TRPM8: variants seen among roughly 807,000 people sequenced by gnomAD.
TRPM8 encodes the protein TRPM8 cationic channel.
In TRPM8, 110 loss-of-function variants were observed where a neutral mutation model predicts 133.7. That is an observed-to-expected ratio of 0.82 (90% CI 0.70 to 0.96). The LOEUF (loss-of-function observed/expected upper bound fraction) is 0.96. TRPM8 is among the 40% of genes least tolerant of loss of function. The pLI is 0.00. For synonymous variants in TRPM8, 535 were observed against 532.3 expected, an observed-to-expected ratio of 1.01 and a Z score of -0.07; for missense variants, 1,291 against 1,379.5, an observed-to-expected ratio of 0.94 and a Z score of 1.02.
intron 11 of TRPM8, among the ~76,000 whole-genome samples, chr2:233,955,789 A>AGGAAGTCTGCTC (rs1182285209): frequency 3.3e-5 from 5 of 152,230 alleles, no homozygotes; most frequent in African/African-American, 9.6e-5. Flanking sequence ...TGTTAGGAAC[A>AGGAAGTCTGCTC]ACAGGAAGTG....
chr2:233,958,893 G>C (rs569056694), intron 11 of TRPM8, among the ~76,000 whole-genome samples: 1 of 152,250 alleles, frequency 6.6e-6, no homozygotes, highest in South Asian at 2.1e-4. Context: ...TAAGTGGGCC[G>C]GTGGGTCCCA....
At chr2:233,974,525 C>G (rs1014673120) in intron 17 of TRPM8, among the ~76,000 whole-genome samples, 1 of 152,228 alleles carries the variant, frequency 6.6e-6, no homozygotes, top group African/African-American at 2.4e-5. Flanking sequence ...AGCCACTGCG[C>G]TCGGCCACCA....
rs1456063371 is a variant in TRPM8 at position 234,017,958 on chromosome 2, A to ACTT, written c.*703_*705dup. The ACTT allele has an allele frequency of 6.9e-6, 1 of 144,296 alleles. No homozygotes were observed. The highest frequency in any genetic ancestry group is 2.6e-5 in the African/African-American group (1 of 38,162). The allele number at this position is 144,296 out of a possible 1,614,324, so 8.9% of individuals were successfully genotyped here. A position where few individuals can be genotyped will look rare whatever the true frequency, so the allele number is the denominator to read the frequency against. On this transcript the variant is annotated 3_prime_UTR_variant, in exon 26 of 26. Transcript: ENST00000324695. ...AATGCAACCTTGAAAGGCACTACTG[A>ACTT]CTTTGTTCTTATTGGATACTCCTCT... is the stretch of plus-strand genomic sequence containing the variant.
intron 21 of TRPM8, among the ~76,000 whole-genome samples, chr2:233,994,381 G>T (rs919150616): frequency 6.6e-6 from 1 of 152,202 alleles, no homozygotes; most frequent in Non-Finnish European, 1.5e-5. Flanking sequence ...TCCCAGTCCT[G>T]GCTGTTTTTC....
At chr2:233,964,971 G>A (rs1691530040) in intron 14 of TRPM8, among the ~76,000 whole-genome samples, 1 of 151,736 alleles carries the variant, frequency 6.6e-6, no homozygotes, top group African/African-American at 2.4e-5. Context: ...GAAATCTTGG[G>A]CTCTCTGATC....
At chr2:233,953,674 C>A in intron 9 of TRPM8, 1 of 363,526 alleles carries the variant, frequency 2.8e-6, no homozygotes, top group Non-Finnish European at 5.1e-6. Context: ...CACCTGCACG[C>A]AGATGCACAC....
intron 2 of TRPM8, 149 bp from the exon 3 acceptor site, chr2:233,930,519 T>C (rs1196333565): frequency 1.8e-6 from 1 of 544,562 alleles, no homozygotes; most frequent in African/African-American, 1.9e-5. Context: ...TTGTATACTC[T>C]AAAGGCATGA....
At chr2:233,937,626 C>A in intron 4 of TRPM8, 117 bp downstream of exon 4, 6 of 1,171,010 alleles carry the variant, frequency 5.1e-6, no homozygotes, top group East Asian at 2.4e-5. Context: ...TAGTAAACAC[C>A]AAAAACGATT....
intron 3 of TRPM8, among the ~76,000 whole-genome samples, chr2:233,932,948 T>C (rs1228419530): frequency 6.7e-6 from 1 of 148,934 alleles, no homozygotes; most frequent in East Asian, 2.0e-4. Flanking sequence ...CCCCTGAGAG[T>C]TCTCAGGGTT....
At position 233,993,242 on chromosome 2, in the gene TRPM8, T is replaced by C. The variant is rs572210377; in HGVS notation, c.2940-3084T>C. ...TATTTGTCTGGGAAAGCATTGCTGC[T>C]CACTGGATCCACCTTTGCCCTTGAG... On this transcript the variant is annotated intron_variant, in intron 21 of 25. Coordinates refer to ENST00000324695, the MANE Select transcript of TRPM8 (RefSeq NM_024080.5). Among the ~76,000 whole-genome samples the C allele has an allele frequency of 2.6e-5, 4 of 152,356 alleles. No homozygotes were observed. The South Asian group carries it at 8.3e-4, about 32-fold the overall frequency.
At chr2:233,920,057 GA>G (rs1267410250) in intron 1 of TRPM8, among the ~76,000 whole-genome samples, 2 of 152,192 alleles carry the variant, frequency 1.3e-5, no homozygotes, top group Admixed American at 6.5e-5. Flanking sequence ...TAGAGATGCA[GA>G]ATCTGGGGCT....
intron 2 of TRPM8, among the ~76,000 whole-genome samples, chr2:233,930,387 G>A (rs557137830): frequency 5.0e-4 from 76 of 152,180 alleles, no homozygotes; most frequent in African/African-American, 1.8e-3. Flanking sequence ...AGCCTTAGAG[G>A]TGGAAAAACA....
chr2:233,989,696 C>A lies in TRPM8; in HGVS notation c.2939+3831C>A, dbSNP rs1307530370. On this transcript the variant is annotated intron_variant, in intron 21 of 25. Coordinates refer to ENST00000324695, the MANE Select transcript of TRPM8 (RefSeq NM_024080.5). The surrounding 1 kb of genome is among the most constrained non-coding windows in gnomAD (Gnocchi z 4.2). Reference sequence around the variant, plus strand: ...CTTATTAACTGCAATGCAAATGTACCTTTGGGAATTCTGAAGGAGTATTGG... The same window carrying A: ...CTTATTAACTGCAATGCAAATGTACATTTGGGAATTCTGAAGGAGTATTGG... Among the ~76,000 whole-genome samples, 1 of 152,136 alleles carries A rather than the reference C, an allele frequency of 6.6e-6. No homozygotes were observed. Among genetic ancestry groups the A allele is most frequent in the Non-Finnish European group, 1.5e-5 (1 of 68,010 alleles).
chr2:233,971,038 A>G (rs1269016080), intron 17 of TRPM8, among the ~76,000 whole-genome samples: 1 of 152,180 alleles, frequency 6.6e-6, no homozygotes, highest in East Asian at 1.9e-4. Flanking sequence ...TGATGGTGAA[A>G]GTGGTGTTAT....
In TRPM8 at chr2:233,950,052, T is replaced by C. The variant is rs755031646; in HGVS notation, c.1046T>C (p.Leu349Pro). The C allele has an allele frequency of 5.0e-6, 8 of 1,614,148 alleles. No homozygotes were observed. The highest frequency in any genetic ancestry group is 6.8e-6 in the Non-Finnish European group (8 of 1,180,036). Reference sequence around the variant, plus strand: ...AGCCTGGTGGAGGTGGAGGATGCCCTGACATCTTCTGCCGTCAAGGAGAAG... The same window carrying C: ...AGCCTGGTGGAGGTGGAGGATGCCCCGACATCTTCTGCCGTCAAGGAGAAG... ...IASLVEVEDA[L>P]TSSAVKEKLV... The change falls in exon 9 of 26, where the codon CTG (leucine) becomes CCG (proline). Residue 349 changes from leucine (L) to proline (P), a missense_variant. Leu to Pro is a moderately conservative substitution (Grantham distance 98). Coordinates refer to ENST00000324695, the MANE Select transcript of TRPM8 (RefSeq NM_024080.5).
At chr2:233,958,895 T>C (rs928528065) in intron 11 of TRPM8, among the ~76,000 whole-genome samples, 1 of 151,960 alleles carries the variant, frequency 6.6e-6, no homozygotes, top group African/African-American at 2.4e-5. Context: ...AGTGGGCCGG[T>C]GGGTCCCAGG....
chr2:233,926,291 C>A lies in TRPM8; in HGVS notation c.-5-242C>A, dbSNP rs374573861. Among the ~76,000 whole-genome samples the A allele has an allele frequency of 1.2e-4, 19 of 152,082 alleles. No individual in the cohort carries two copies. The South Asian group carries it at 4.0e-3, about 32-fold the overall frequency. Reference sequence around the variant, plus strand: ...AAAGAGGGGGTGCCCAGGAGGGGATCCTGACTCAGGGGTGAGGGGCCAGGG... The same window carrying A: ...AAAGAGGGGGTGCCCAGGAGGGGATACTGACTCAGGGGTGAGGGGCCAGGG... On this transcript the variant is annotated intron_variant, in intron 1 of 25. Transcript: ENST00000324695.
chr2:233,991,238 G>C (rs1692268767), intron 21 of TRPM8, among the ~76,000 whole-genome samples: 1 of 152,140 alleles, frequency 6.6e-6, no homozygotes, highest in African/African-American at 2.4e-5. Flanking sequence ...AATGTCATGG[G>C]TCTTCGTGCA....
chr2:233,964,895 A>T, intron 14 of TRPM8, 138 bp downstream of exon 14: 2 of 835,760 alleles, frequency 2.4e-6, no homozygotes, highest in Non-Finnish European at 1.7e-6. Flanking sequence ...GCTGCAGACC[A>T]CAAGGTCTGG....
Sources: gnomAD v4.1 joint callset for allele counts (sites outside exome capture counted in the v4.1 genomes callset) on GRCh38, gnomAD v4.1.1 for gene constraint, Gnocchi (gnomAD v3.1) non-coding constraint, MANE v1.5 for transcripts, NCBI Gene and HGNC (gene_info 2026-07-23, HGNC 2026-07-21) for gene names.